CSMD2: variants seen among roughly 807,000 people sequenced by gnomAD.
CSMD2 encodes the protein CUB and sushi domain-containing protein 2.
A neutral mutation model predicts 398.5 loss-of-function variants in CSMD2; 130 were observed. That is an observed-to-expected ratio of 0.33 (90% confidence interval 0.28 to 0.38). CSMD2 has a LOEUF of 0.38. CSMD2 is among the 10% of genes least tolerant of loss of function. CSMD2 has a pLI of 1.00. For synonymous variants in CSMD2, 1,828 were observed against 1,908.5 expected (o/e 0.96, Z 1.10); for missense variants, 3,829 against 4,764.9 (o/e 0.80, Z 5.78).
chr1:34,021,731 C>A (rs1475423037), intron 3 of CSMD2, among the ~76,000 whole-genome samples: 1 of 152,132 alleles, frequency 6.6e-6, no homozygotes, highest in Non-Finnish European at 1.5e-5. Flanking sequence ...CAGGTGATCA[C>A]ATGGTAAAGA....
chr1:33,589,253 T>A (rs2148758757), intron 44 of CSMD2, among the ~76,000 whole-genome samples: 1 of 152,308 alleles, frequency 6.6e-6, no homozygotes, highest in South Asian at 2.1e-4. Context: ...ATTGATACTG[T>A]CAACAGAGTG....
intron 47 of CSMD2, among the ~76,000 whole-genome samples, chr1:33,581,664 A>G (rs1638736648): frequency 6.6e-6 from 1 of 152,154 alleles, no homozygotes. Flanking sequence ...TAAGTAACAG[A>G]GCTCCCTAAT....
intron 5 of CSMD2, among the ~76,000 whole-genome samples, chr1:33,899,214 T>C (rs867494658): frequency 8.5e-5 from 13 of 152,326 alleles, no homozygotes; most frequent in South Asian, 2.1e-4. Flanking sequence ...TGGCAGGATG[T>C]GGGAGCCAAG....
intron 5 of CSMD2, among the ~76,000 whole-genome samples, chr1:33,868,757 A>C (rs186897425): frequency 2.3e-4 from 30 of 130,338 alleles, no homozygotes; most frequent in African/African-American, 6.2e-4. Context: ...AAACAAACAA[A>C]CAACACAAAT....
chr1:33,726,925 C>T (rs933943691), intron 15 of CSMD2, among the ~76,000 whole-genome samples: 3 of 152,080 alleles, frequency 2.0e-5, no homozygotes, highest in Non-Finnish European at 4.4e-5. Flanking sequence ...AAGCAAAGTC[C>T]CTTTGTCATT....
intron 44 of CSMD2, 151 bp from the exon 45 acceptor site, chr1:33,587,319 A>G: frequency 1.7e-6 from 1 of 600,860 alleles, no homozygotes; most frequent in Non-Finnish European, 2.9e-6. Flanking sequence ...AAGTTTAGCC[A>G]AGTCCTTTTT....
In CSMD2 at chr1:33,519,573, T is replaced by C; in HGVS notation, c.10841A>G (p.Asp3614Gly). 2.5e-6 allele frequency: 4 copies of C among 1,614,072 alleles called. No homozygotes were observed. The highest frequency in any genetic ancestry group is 3.4e-6 in the Non-Finnish European group (4 of 1,180,000). ...PMYDRNIQPT[D>G]IMASEAEFTV... is the part of the protein sequence containing the mutation. ...GAACTCCGCCTCGCTGGCCATGATGTCTGTGGGCTGGATGTTGCGGTCGTA... is the reference window on the plus strand; with the variant it reads ...GAACTCCGCCTCGCTGGCCATGATGCCTGTGGGCTGGATGTTGCGGTCGTA... The change falls in exon 70 of 71, where the codon GAC becomes GGC. Residue 3614 changes from aspartate to glycine, a missense_variant. Around this residue, in one of 5 missense-constraint regions of CSMD2, gnomAD observed 917 missense variants for 1,199.5 expected, o/e 0.76. Coordinates refer to ENST00000373381, the MANE Select transcript of CSMD2 (RefSeq NM_001281956.2). This position sits in a 1 kb window ranked among gnomAD's most constrained non-coding sequence, Gnocchi z 5.6.
intron 1 of CSMD2, among the ~76,000 whole-genome samples, chr1:34,095,686 T>A (rs1299885066): frequency 6.6e-6 from 1 of 151,532 alleles, no homozygotes; most frequent in African/African-American, 2.4e-5. Context: ...CCTGGACACA[T>A]ACACTCTCCC....
intron 57 of CSMD2, among the ~76,000 whole-genome samples, chr1:33,544,833 A>T (rs1336048169): frequency 1.6e-5 from 1 of 61,406 alleles, no homozygotes; most frequent in East Asian, 5.6e-4. Context: ...CTGTGCATTT[A>T]TATATATATA....
chr1:34,007,905 C>T (rs1317226638), intron 3 of CSMD2, among the ~76,000 whole-genome samples: 3 of 152,030 alleles, frequency 2.0e-5, no homozygotes, highest in Non-Finnish European at 4.4e-5. Flanking sequence ...CTTCCATGAA[C>T]ATGTAACACA....
intron 2 of CSMD2, among the ~76,000 whole-genome samples, chr1:34,070,572 G>GAAGCCACAAC (rs1448603796): frequency 6.6e-6 from 1 of 152,224 alleles, no homozygotes; most frequent in Non-Finnish European, 1.5e-5. Context: ...ATGCGCCTGA[G>GAAGCCACAAC]AAGCCACAAC....
rs181024726 is a variant in CSMD2, at chr1:34,081,959, G to A, written c.404+7018C>T. Among the ~76,000 whole-genome samples the A allele has an allele frequency of 1.3e-4, 19 of 151,110 alleles. No individual in the cohort carries two copies. In the East Asian group the frequency reaches 1.4e-3, roughly 11 times the overall value. The stretch of plus-strand genomic sequence containing the variant: ...CCACCCCGTCTAGGAAGTGAGGAGC[G>A]TCTCTAACTGGCCGCCCATCGTCTG... On this transcript the variant is annotated intron_variant, in intron 2 of 70. Transcript: ENST00000373381.
chr1:33,815,925 A>G (rs567025510), intron 9 of CSMD2, among the ~76,000 whole-genome samples: 2 of 152,340 alleles, frequency 1.3e-5, no homozygotes, highest in South Asian at 2.1e-4. Context: ...AGATCTGAAA[A>G]TAGAACTCTG....
rs199644333 is a variant in CSMD2, at chr1:33,605,400, G to A, written c.6414C>T (p.Asn2138=). 14 of 1,614,160 alleles carry A rather than the reference G, an allele frequency of 8.7e-6. No individual in the cohort carries two copies. Among genetic ancestry groups the A allele is most frequent in the East Asian group, 2.2e-5 (1 of 44,870 alleles). ...ACTCGAAGGTCACTGATTGTCCCACGTTGTAGCCAGCTCCCCTCACAATGC... is the reference window on the plus strand; with the variant it reads ...ACTCGAAGGTCACTGATTGTCCCACATTGTAGCCAGCTCCCCTCACAATGC... ...ANGIVRGAGY[N]VGQSVTFECL... Residue 2138 remains asparagine, a synonymous_variant, in exon 42 of 71, where the codon AAC becomes AAT. Transcript: ENST00000373381.
At chr1:34,143,818 C>T (rs1639523917) in intron 1 of CSMD2, among the ~76,000 whole-genome samples, 1 of 152,088 alleles carries the variant, frequency 6.6e-6, no homozygotes, top group East Asian at 1.9e-4. Flanking sequence ...AATTTTGGCC[C>T]CTTGTCTGCA....
At chr1:33,848,212 C>A (rs1300969716) in intron 5 of CSMD2, among the ~76,000 whole-genome samples, 5 of 152,152 alleles carry the variant, frequency 3.3e-5, no homozygotes, top group African/African-American at 1.2e-4. Context: ...CTGGGGCTGG[C>A]AACTGAGGGA....
intron 24 of CSMD2, among the ~76,000 whole-genome samples, chr1:33,696,185 AT>A (rs1645413543): frequency 2.0e-5 from 3 of 152,234 alleles, no homozygotes. Flanking sequence ...TCAAGGGAGA[AT>A]GAGTACAAAT....
intron 65 of CSMD2, among the ~76,000 whole-genome samples, chr1:33,525,571 T>A (rs138498047): frequency 1.6e-4 from 25 of 152,300 alleles, no homozygotes; most frequent in Admixed American, 6.5e-4. Context: ...GATGGGGAGA[T>A]GGTCAAAGGG....
rs181766366 is a variant in CSMD2 at position 33,700,706 on chromosome 1, G to A, written c.3577-33C>T. 2,081 of 1,612,240 alleles carry A rather than the reference G, an allele frequency of 1.3e-3. 3 individuals are homozygous for A. Among genetic ancestry groups the A allele is most frequent in the Non-Finnish European group, 1.6e-3 (1,875 of 1,178,968 alleles). On this transcript the variant is annotated intron_variant, in intron 22 of 70. Coordinates refer to ENST00000373381, the MANE Select transcript of CSMD2 (RefSeq NM_001281956.2). ...CAGGAGAGACCCCCAACCCAATGTC[G>A]TCAGCATGGCCTTATGTTGAACAAC...
Sources: allele counts gnomAD v4.1 joint callset (sites outside exome capture counted in the v4.1 genomes callset), GRCh38; gene constraint gnomAD v4.1.1; regional missense constraint gnomAD v4.1.1; non-coding constraint Gnocchi (gnomAD v3.1); transcripts MANE v1.5; gene names NCBI Gene and HGNC (gene_info 2026-07-23, HGNC 2026-07-21).